The following RFX4 variants were observed in gnomAD, a reference collection of about 807,000 sequenced individuals.
RFX4 encodes regulatory factor X4.
Under a neutral mutation model 95.0 loss-of-function variants are expected in RFX4, and 10 were observed. That is an observed-to-expected ratio of 0.11 (90% confidence interval 0.06 to 0.18). The LOEUF (loss-of-function observed/expected upper bound fraction) is 0.18. Among genes scored for constraint, RFX4 ranks in the 10% least tolerant of loss-of-function variants. RFX4 has a pLI of 1.00. For synonymous variants in RFX4, 321 were observed against 340.7 expected, an observed-to-expected ratio of 0.94 and a Z score of 0.64; for missense variants, 640 against 922.0, an observed-to-expected ratio of 0.69 and a Z score of 3.96.
intron 2 of RFX4, among the ~76,000 whole-genome samples, chr12:106,629,852 G>C (rs1303274714): frequency 1.3e-5 from 2 of 152,138 alleles, no homozygotes; most frequent in East Asian, 1.9e-4. Flanking sequence ...AAAGTGTTGG[G>C]ATTATAGGTG....
At chr12:106,677,009 T>C (rs1209961848) in intron 4 of RFX4, among the ~76,000 whole-genome samples, 2 of 152,148 alleles carry the variant, frequency 1.3e-5, no homozygotes, top group Non-Finnish European at 2.9e-5. Context: ...TTTGTGCAGG[T>C]TGCTTAGCCT....
chr12:106,646,923 C>T (rs532316081), intron 3 of RFX4, among the ~76,000 whole-genome samples: 1 of 152,248 alleles, frequency 6.6e-6, no homozygotes, highest in South Asian at 2.1e-4. Context: ...CTGATTGGCT[C>T]GTCTACTTGG....
chr12:106,623,088 G>C (rs369000498), intron 2 of RFX4, among the ~76,000 whole-genome samples: 19 of 147,614 alleles, frequency 1.3e-4, no homozygotes, highest in African/African-American at 4.6e-4. Flanking sequence ...ACCCAGGCTG[G>C]AGTGCAGTGG....
At chr12:106,712,113 C>T (rs1488183902) in intron 10 of RFX4, among the ~76,000 whole-genome samples, 3 of 152,226 alleles carry the variant, frequency 2.0e-5, no homozygotes, top group Non-Finnish European at 4.4e-5. Context: ...ATTAACATTA[C>T]ATTAAAATAT....
intron 8 of RFX4, among the ~76,000 whole-genome samples, chr12:106,700,403 C>CTTT (rs989886928): frequency 2.9e-4 from 36 of 122,690 alleles, no homozygotes; most frequent in East Asian, 7.1e-4. Context: ...TCTTCTTTTT[C>CTTT]TTTTTTTTTT....
Position 106,694,719 on chromosome 12 carries a change from C to G in RFX4, c.670-1564C>G, listed in dbSNP as rs575759035. Among the ~76,000 whole-genome samples, 282 of 152,230 alleles carry G rather than the reference C, an allele frequency of 1.9e-3. 1 individual carries two copies. The highest frequency in any genetic ancestry group is 6.4e-3 in the African/African-American group (267 of 41,530). Reference sequence around the variant, plus strand: ...ACATGAAAGAACCTAAGCAAAGTACCTGGCATATAGTAGGTACTCGATAAA... The same window carrying G: ...ACATGAAAGAACCTAAGCAAAGTACGTGGCATATAGTAGGTACTCGATAAA... On this transcript the variant is annotated intron_variant, in intron 7 of 17. Coordinates refer to ENST00000392842, the MANE Select transcript of RFX4 (RefSeq NM_213594.3).
Position 106,720,022 on chromosome 12 carries a change from C to T in RFX4, c.1201C>T (p.Leu401=), listed in dbSNP as rs758550505. 6 of 1,614,206 alleles carry T rather than the reference C, an allele frequency of 3.7e-6. No individual in the cohort carries two copies. The highest frequency in any genetic ancestry group is 4.2e-6 in the Non-Finnish European group (5 of 1,180,028). The change falls in exon 12 of 18, where the codon CTG becomes TTG. Residue 401 remains leucine, a synonymous_variant. Coordinates refer to ENST00000392842, the MANE Select transcript of RFX4 (RefSeq NM_213594.3). The surrounding 1 kb of genome is among the most constrained non-coding windows in gnomAD (Gnocchi z 4.2). ...QSPIESYIEW[L]DTMVDRCVVK... ...TCCCATCGAGTCCTACATTGAGTGG[C>T]TGGATACCATGGTTGACCGCTGTGT...
intron 1 of RFX4, among the ~76,000 whole-genome samples, chr12:106,596,970 T>A (rs2039629227): frequency 6.6e-6 from 1 of 152,256 alleles, no homozygotes; most frequent in African/African-American, 2.4e-5. Context: ...GCAAACTTGT[T>A]TGTGCCTGAT....
chr12:106,669,837 G>GC (rs2041246218), intron 4 of RFX4, among the ~76,000 whole-genome samples: 4 of 54,492 alleles, frequency 7.3e-5, no homozygotes, highest in Non-Finnish European at 1.5e-4. Context: ...GTTTTTTCTA[G>GC]GGGTGTGTGT....
At chr12:106,645,866 C>A (rs2137297220) in intron 3 of RFX4, 1 of 1,278,066 alleles carries the variant, frequency 7.8e-7, no homozygotes. Flanking sequence ...TGAACACAAC[C>A]AGTGTTGATA....
Position 106,608,848 on chromosome 12 carries a change from G to A in RFX4, c.95G>A (p.Ser32Asn). Residue 32 changes from serine (S) to asparagine (N), a missense_variant, in exon 2 of 18, where the codon AGC becomes AAC. Transcript: ENST00000392842. Reference sequence around the variant, plus strand: ...GAAAGTGAAAACAAACGTTATTCCAGCCACACATCTCTGGGGAATGTTTCT... The same window carrying A: ...GAAAGTGAAAACAAACGTTATTCCAACCACACATCTCTGGGGAATGTTTCT... ...LNESENKRYS[S>N]HTSLGNVSND... 1 of 1,610,366 alleles carries A rather than the reference G, an allele frequency of 6.2e-7. No homozygotes were observed. The highest frequency in any genetic ancestry group is 8.5e-7 in the Non-Finnish European group (1 of 1,179,218).
chr12:106,708,197 C>T (rs555826801), intron 8 of RFX4, among the ~76,000 whole-genome samples: 4 of 152,052 alleles, frequency 2.6e-5, no homozygotes, highest in Non-Finnish European at 4.4e-5. Flanking sequence ...GGAGAAGGGA[C>T]CGTCGGTAAT....
At chr12:106,632,077 G>A (rs1427473506) in intron 2 of RFX4, among the ~76,000 whole-genome samples, 2 of 152,198 alleles carry the variant, frequency 1.3e-5, no homozygotes, top group Non-Finnish European at 1.5e-5. Context: ...TCAAGGTCAC[G>A]TGGCTAATAA....
intron 2 of RFX4, among the ~76,000 whole-genome samples, chr12:106,635,578 G>A (rs2040495713): frequency 6.6e-6 from 1 of 152,136 alleles, no homozygotes; most frequent in Non-Finnish European, 1.5e-5. Flanking sequence ...CTCCCAAAGT[G>A]CTAGGATTAC....
intron 1 of RFX4, among the ~76,000 whole-genome samples, chr12:106,603,902 G>A (rs1174037022): frequency 1.3e-5 from 2 of 152,066 alleles, no homozygotes; most frequent in Non-Finnish European, 2.9e-5. Flanking sequence ...CACACAATAG[G>A]AGCTTAATAA....
chr12:106,702,488 C>T (rs1022517848), intron 8 of RFX4, among the ~76,000 whole-genome samples: 1 of 152,190 alleles, frequency 6.6e-6, no homozygotes, highest in African/African-American at 2.4e-5. Flanking sequence ...TGTGCCTACT[C>T]CTTTACCTGT....
rs2040143643 is a variant in RFX4, at chr12:106,619,749, A to G, written c.130+10866A>G. Among the ~76,000 whole-genome samples the G allele has an allele frequency of 3.3e-5, 5 of 151,846 alleles. No individual in the cohort carries two copies. In the South Asian group the frequency reaches 1.0e-3, roughly 32 times the overall value. ...CTTTTCGATTATACTTCATTTTTTT[A>G]TGTTTTGCTCTGGTTTGTCCATCTT... On this transcript the variant is annotated intron_variant, in intron 2 of 17. Transcript: ENST00000392842.
chr12:106,699,708 G>T (rs2041949250), intron 8 of RFX4, among the ~76,000 whole-genome samples: 1 of 151,530 alleles, frequency 6.6e-6, no homozygotes, highest in Non-Finnish European at 1.5e-5. Flanking sequence ...GCTACTCCAG[G>T]TTTTTTTTAA....
intron 11 of RFX4, 160 bp downstream of exon 11, chr12:106,715,704 G>A (rs2042275469): frequency 1.3e-6 from 1 of 795,646 alleles, no homozygotes; most frequent in Non-Finnish European, 1.9e-6. Flanking sequence ...AGTCCAGAAG[G>A]AAGGGCTGAT....
Sources: allele counts gnomAD v4.1 joint callset (sites outside exome capture counted in the v4.1 genomes callset), GRCh38; gene constraint gnomAD v4.1.1; non-coding constraint Gnocchi (gnomAD v3.1); transcripts MANE v1.5; gene names NCBI Gene and HGNC (gene_info 2026-07-23, HGNC 2026-07-21).